Variants in CD226 observed in about 807,000 individuals in gnomAD.
CD226 encodes the protein CD226 antigen.
CD226 carries 24 observed loss-of-function variants against 34.9 expected under a neutral mutation model. That is an observed-to-expected ratio of 0.69 (90% CI 0.50 to 0.97). The LOEUF is 0.97. Among genes scored for constraint, CD226 ranks in the 50% least tolerant of loss-of-function variants. CD226 has a pLI of 0.00. For synonymous variants in CD226, 148 were observed against 147.4 expected (o/e 1.00, Z -0.03); for missense variants, 397 against 412.7 (o/e 0.96, Z 0.33).
intron 3 of CD226, among the ~76,000 whole-genome samples, chr18:69,893,958 T>C (rs578069042): frequency 1.3e-5 from 2 of 152,318 alleles, no homozygotes; most frequent in East Asian, 3.9e-4. Context: ...GTTTGCAATA[T>C]GAGCAAAGTC....
intron 2 of CD226, among the ~76,000 whole-genome samples, chr18:69,946,180 C>CAAAAAA (rs60750165): frequency 4.5e-5 from 3 of 66,376 alleles, no homozygotes; most frequent in Non-Finnish European, 7.4e-5. Flanking sequence ...AAGACTCCAT[C>CAAAAAA]AAAAAAAAAA....
chr18:69,957,627 G>A (rs749671729), upstream of CD226, among the ~76,000 whole-genome samples: 2 of 152,174 alleles, frequency 1.3e-5, no homozygotes, highest in Non-Finnish European at 2.9e-5. Flanking sequence ...CAGGTGAGAA[G>A]GCACTCATGG....
intron 2 of CD226, among the ~76,000 whole-genome samples, chr18:69,937,977 T>C (rs1239061803): frequency 6.6e-6 from 1 of 152,194 alleles, no homozygotes; most frequent in Non-Finnish European, 1.5e-5. Context: ...GCTGGGAACC[T>C]GGACAGAGAA....
rs1982862893 is a variant in CD226 at position 69,862,147 on chromosome 18, C to T, written c.*2167G>A. ...TCATGAAGTTCCCAGTAAAAACCAC[C>T]ATGACAATGGTATCTGACTATACTG... is the stretch of plus-strand genomic sequence containing the variant. On this transcript the variant is annotated 3_prime_UTR_variant, in exon 6 of 6. Transcript: ENST00000582621. 1.3e-5 allele frequency: 2 copies of T among 152,102 alleles called. No homozygotes were observed. The allele number at this position is 152,102 out of a possible 1,614,324, so 9.4% of individuals were successfully genotyped here. A position where few individuals can be genotyped will look rare whatever the true frequency, so the allele number is the denominator to read the frequency against.
In CD226 at chr18:69,895,858, C is replaced by T. The variant is rs1413442088; in HGVS notation, c.570G>A (p.Lys190=). ...NLVHGRNFTS[K]FPRQIVSNCS... is the part of the protein sequence containing the mutation. ...AGTTGCTCACTATTTGTCTTGGGAA[C>T]TTGGAGGTGAAATTTCTGCCATGGA... Residue 190 remains lysine, a synonymous_variant, in exon 3 of 6, where the codon AAG becomes AAA. Coordinates refer to ENST00000582621, the MANE Select transcript of CD226 (RefSeq NM_001303618.2). The T allele has an allele frequency of 6.2e-7, 1 of 1,614,184 alleles. No homozygotes were observed.
In CD226 at chr18:69,888,473, C is replaced by A. The variant is rs1048231148; in HGVS notation, c.727+7228G>T. On this transcript the variant is annotated intron_variant, in intron 3 of 5. Coordinates refer to ENST00000582621, the MANE Select transcript of CD226 (RefSeq NM_001303618.2). ...TGGCTCTGTTGCCCAGGCTGCAGTGCAATGGTGCAGTCATAGCTCACTGCA... is the reference window on the plus strand; with the variant it reads ...TGGCTCTGTTGCCCAGGCTGCAGTGAAATGGTGCAGTCATAGCTCACTGCA... Among the ~76,000 whole-genome samples the A allele has an allele frequency of 6.5e-5, 9 of 137,880 alleles. No individual in the cohort carries two copies. The Admixed American group carries it at 7.3e-4, about 11-fold the overall frequency. 90.5% of individuals were successfully genotyped at this position (137,880 alleles called of 152,430 possible).
intron 2 of CD226, 106 bp downstream of exon 2, chr18:69,946,628 C>A: frequency 1.3e-6 from 1 of 758,090 alleles, no homozygotes; most frequent in Non-Finnish European, 2.1e-6. Flanking sequence ...TGGAGAATGC[C>A]ACAGAAATAC....
intron 2 of CD226, among the ~76,000 whole-genome samples, chr18:69,897,184 T>C (rs1336641925): frequency 6.6e-6 from 1 of 152,168 alleles, no homozygotes; most frequent in Non-Finnish European, 1.5e-5. Context: ...AATTCTTGTG[T>C]TTTAAATTTT....
intron 3 of CD226, among the ~76,000 whole-genome samples, chr18:69,888,958 GT>G (rs1361626716): frequency 2.6e-5 from 4 of 151,832 alleles, no homozygotes; most frequent in Non-Finnish European, 4.4e-5. Context: ...AACATTCTAG[GT>G]TTTTGTGTGT....
chr18:69,937,262 G>A (rs2055666144), intron 2 of CD226, among the ~76,000 whole-genome samples: 1 of 152,004 alleles, frequency 6.6e-6, no homozygotes, highest in Non-Finnish European at 1.5e-5. Flanking sequence ...TTTGTTGTTG[G>A]GGTCCTTTTG....
At chr18:69,872,713 A>C (rs1249110346) in intron 4 of CD226, among the ~76,000 whole-genome samples, 1 of 152,212 alleles carries the variant, frequency 6.6e-6, no homozygotes, top group East Asian at 1.9e-4. Context: ...TTGGGATGTG[A>C]GCTTCATTAT....
intron 2 of CD226, among the ~76,000 whole-genome samples, chr18:69,912,368 C>T (rs2055336379): frequency 6.6e-6 from 1 of 152,178 alleles, no homozygotes; most frequent in Non-Finnish European, 1.5e-5. Flanking sequence ...ACCCAGGAGA[C>T]ATCAAAATCT....
chr18:69,956,391 T>C (rs1053349003), intron 1 of CD226, among the ~76,000 whole-genome samples: 2 of 152,228 alleles, frequency 1.3e-5, no homozygotes, highest in African/African-American at 2.4e-5. Flanking sequence ...TTTAAGTTCA[T>C]CCTTGTTCAG....
chr18:69,869,230 A>G lies in CD226; in HGVS notation c.831-1819T>C, dbSNP rs185781900. On this transcript the variant is annotated intron_variant, in intron 4 of 5. Transcript: ENST00000582621. ...TGTGTTCATTGCAGCACTATTCATG[A>G]TAGCAAAGACATGGAATCAACCTCA... Among the ~76,000 whole-genome samples, 3 of 152,350 alleles carry G rather than the reference A, an allele frequency of 2.0e-5. No individual in the cohort carries two copies. In the East Asian group the frequency reaches 5.8e-4, roughly 29 times the overall value.
rs564447113 is a variant in CD226 at position 69,853,918 on chromosome 18, A to G, written c.*10396T>C. On this transcript the variant is annotated 3_prime_UTR_variant, in exon 6 of 6. Transcript: ENST00000582621. ...AATATGTGCTTCATTTTGGATCATG[A>G]TTTATAAAGATGAGCCAAAGAGCAG... 1 of 152,276 alleles carries G rather than the reference A, an allele frequency of 6.6e-6. No individual in the cohort carries two copies. Among genetic ancestry groups the G allele is most frequent in the East Asian group, 1.9e-4 (1 of 5,184 alleles). The allele number at this position is 152,276 out of a possible 1,614,324, so 9.4% of individuals were successfully genotyped here.
chr18:69,936,639 T>C lies in CD226; in HGVS notation c.382+10095A>G, dbSNP rs536523016. 2.6e-5 allele frequency among the ~76,000 whole-genome samples: 4 copies of C among 152,204 alleles called. No individual in the cohort carries two copies. In the South Asian group the frequency reaches 6.2e-4, roughly 24 times the overall value. The stretch of plus-strand genomic sequence containing the variant: ...TTTTAGTCTTGTGTGTGTGCATGCA[T>C]ACACACACACATGGATATATAAAAC... On this transcript the variant is annotated intron_variant, in intron 2 of 5. Coordinates refer to ENST00000582621, the MANE Select transcript of CD226 (RefSeq NM_001303618.2).
intron 3 of CD226, among the ~76,000 whole-genome samples, chr18:69,889,527 C>T (rs1219401735): frequency 2.6e-5 from 4 of 150,984 alleles, no homozygotes; most frequent in Non-Finnish European, 4.4e-5. Context: ...ACCTGAAACT[C>T]TTCTGGAATC....
intron 3 of CD226, among the ~76,000 whole-genome samples, chr18:69,880,650 TTTC>T (rs1984196670): frequency 5.3e-5 from 3 of 57,014 alleles, no homozygotes; most frequent in African/African-American, 4.7e-5. Context: ...AGTCTTAAGA[TTTC>T]TTTTTTTTTT....
In CD226 at chr18:69,899,543, TCTAATATCCAGC is replaced by T. The variant is rs1364346238; in HGVS notation, c.383-3510_383-3499del. Among the ~76,000 whole-genome samples, 3 of 152,040 alleles carry T rather than the reference TCTAATATCCAGC, an allele frequency of 2.0e-5. No homozygotes were observed. The East Asian group carries it at 5.8e-4, about 29-fold the overall frequency. ...TTGCAAACTATGCATCTGACAAAGG[TCTAATATCCAGC>T]ATCTATAAGGAAGTTAAGCAAATTT... On this transcript the variant is annotated intron_variant, in intron 2 of 5. Transcript: ENST00000582621.
Sources: gnomAD v4.1 joint callset for allele counts (sites outside exome capture counted in the v4.1 genomes callset) on GRCh38, gnomAD v4.1.1 for gene constraint, MANE v1.5 for transcripts, NCBI Gene and HGNC (gene_info 2026-07-23, HGNC 2026-07-21) for gene names.